The following SAFB variants were observed in gnomAD, a reference collection of about 807,000 sequenced individuals.
SAFB encodes scaffold attachment factor B1.
SAFB carries 15 observed loss-of-function variants against 101.6 expected under a neutral mutation model. The observed-to-expected ratio is 0.15, with a 90% confidence interval of 0.10 to 0.23. The LOEUF (loss-of-function observed/expected upper bound fraction) is 0.23. Among genes scored for constraint, SAFB ranks in the 10% least tolerant of loss-of-function variants. The probability of loss-of-function intolerance (pLI) is 1.00; values close to 1 mark genes in which losing one functional copy is unlikely to be tolerated. For missense variants in SAFB, 930 were observed against 1,104.1 expected (o/e 0.84, Z 2.23); for synonymous variants, 449 against 407.5 (o/e 1.10, Z -1.23).
At chr19:5,625,842 G>C (rs2053346134) in intron 1 of SAFB, among the ~76,000 whole-genome samples, 1 of 152,186 alleles carries the variant, frequency 6.6e-6, no homozygotes. Flanking sequence ...GATCGGATGA[G>C]GTCATGCATG....
intron 7 of SAFB, 122 bp from the exon 8 acceptor site, chr19:5,649,804 G>C: frequency 1.1e-6 from 1 of 908,320 alleles, no homozygotes; most frequent in Non-Finnish European, 1.8e-6. Context: ...AAGTTTGTCG[G>C]GGTATCATTT....
chr19:5,624,732 G>A (rs1253783902), intron 1 of SAFB, among the ~76,000 whole-genome samples: 1 of 151,204 alleles, frequency 6.6e-6, no homozygotes, highest in Non-Finnish European at 1.5e-5. Flanking sequence ...TGGGCTCAAG[G>A]GTGGATAGTT....
intron 2 of SAFB, among the ~76,000 whole-genome samples, chr19:5,627,166 AC>A (rs2053383317): frequency 6.8e-6 from 1 of 146,458 alleles, no homozygotes. Flanking sequence ...ACAGAGCAAG[AC>A]CCAGTCTCTC....
At chr19:5,629,059 A>G (rs1287970466) in intron 2 of SAFB, among the ~76,000 whole-genome samples, 1 of 152,094 alleles carries the variant, frequency 6.6e-6, no homozygotes, top group African/African-American at 2.4e-5. Flanking sequence ...AGCCCCACAA[A>G]ACGTTTAGAT....
chr19:5,638,911 G>A (rs2145422250), intron 2 of SAFB, among the ~76,000 whole-genome samples: 1 of 151,198 alleles, frequency 6.6e-6, no homozygotes, highest in African/African-American at 2.4e-5. Context: ...TAGTAGAGAC[G>A]CGGTTTTGCC....
At chr19:5,666,375 AC>A (rs1390598238) in intron 17 of SAFB, 1 of 153,284 alleles carries the variant, frequency 6.5e-6, no homozygotes. Context: ...CACGTGGCTT[AC>A]AAAAACAATG....
chr19:5,654,240 T>G (rs1445501238), intron 12 of SAFB, 40 bp downstream of exon 12: 2 of 1,612,066 alleles, frequency 1.2e-6, no homozygotes, highest in Non-Finnish European at 1.7e-6. Flanking sequence ...GTCTTGTTTC[T>G]GTGCCTAGTG....
rs1369145519 is a variant in SAFB, at chr19:5,661,622, G to T, written c.1967G>T (p.Arg656Leu). ...GCCCGAGAGAGGCTGGCCTTCCAGC[G>T]CCAGCGGCTGGAGCGGGAGCGCATG... ...EIARERLAFQ[R>L]QRLERERMER... The change falls in exon 15 of 21, where the codon CGC (arginine) becomes CTC (leucine). Residue 656 changes from arginine to leucine, a missense_variant. This residue lies in a region of SAFB where 159 missense variants were observed against 234.1 expected (regional missense o/e 0.68). Coordinates refer to ENST00000588852, the MANE Select transcript of SAFB (RefSeq NM_001201338.2). 1.2e-6 allele frequency: 2 copies of T among 1,612,592 alleles called. No homozygotes were observed. Among genetic ancestry groups the T allele is most frequent in the Non-Finnish European group, 1.7e-6 (2 of 1,179,786 alleles).
At chr19:5,663,792 C>T (rs181455592) in intron 15 of SAFB, among the ~76,000 whole-genome samples, 1 of 152,274 alleles carries the variant, frequency 6.6e-6, no homozygotes, top group Admixed American at 6.5e-5. Context: ...CTAATGGCTC[C>T]CTCTTTGGAA....
In SAFB at chr19:5,667,934, G is replaced by T. The variant is rs1293363324; in HGVS notation, c.2624+48G>T. On this transcript the variant is annotated intron_variant, in intron 20 of 20. Transcript: ENST00000588852. This position sits in a 1 kb window ranked among gnomAD's most constrained non-coding sequence, Gnocchi z 4.0. ...CCCCTTCCCCCTGCTTTGCATATTGGCCTACCTTGCTGGAGGCTTAACAAC... is the reference window on the plus strand; with the variant it reads ...CCCCTTCCCCCTGCTTTGCATATTGTCCTACCTTGCTGGAGGCTTAACAAC... 4 of 1,541,634 alleles carry T rather than the reference G, an allele frequency of 2.6e-6. No homozygotes were observed. The highest frequency in any genetic ancestry group is 4.5e-5 in the East Asian group (2 of 44,100).
chr19:5,663,719 C>T (rs891748081), intron 15 of SAFB, among the ~76,000 whole-genome samples: 2 of 152,108 alleles, frequency 1.3e-5, no homozygotes, highest in African/African-American at 2.4e-5. Flanking sequence ...TCTTCCTGAG[C>T]GGAGGTGGCT....
chr19:5,632,996 G>C (rs2053522252), intron 2 of SAFB, among the ~76,000 whole-genome samples: 1 of 152,174 alleles, frequency 6.6e-6, no homozygotes, highest in Admixed American at 6.5e-5. Context: ...TATTGGCCAG[G>C]TTTCTCCACT....
At chr19:5,643,271 G>C (rs1044813298) in intron 4 of SAFB, among the ~76,000 whole-genome samples, 1 of 151,876 alleles carries the variant, frequency 6.6e-6, no homozygotes, top group Non-Finnish European at 1.5e-5. Flanking sequence ...CCCTGTTCTT[G>C]TCCTGGTCCT....
At chr19:5,657,765 T>A (rs2054097328) in intron 14 of SAFB, among the ~76,000 whole-genome samples, 1 of 152,010 alleles carries the variant, frequency 6.6e-6, no homozygotes, top group Non-Finnish European at 1.5e-5. Context: ...CCTCAGGTGA[T>A]CCACCTGCCT....
At chr19:5,634,845 T>A (rs772942415) in intron 2 of SAFB, among the ~76,000 whole-genome samples, 1 of 152,050 alleles carries the variant, frequency 6.6e-6, no homozygotes, top group South Asian at 2.1e-4. Context: ...TGGTAAAAAT[T>A]TACACAGTTC....
chr19:5,649,795 A>C, intron 7 of SAFB, 131 bp from the exon 8 acceptor site: 1 of 873,600 alleles, frequency 1.1e-6, no homozygotes, highest in Non-Finnish European at 1.8e-6. Context: ...TTTCAATACA[A>C]GTTTGTCGGG....
chr19:5,635,503 T>A (rs2053577328), intron 2 of SAFB, among the ~76,000 whole-genome samples: 1 of 152,010 alleles, frequency 6.6e-6, no homozygotes, highest in African/African-American at 2.4e-5. Context: ...AGGGAAGGTA[T>A]TATAGCTTTA....
intron 8 of SAFB, among the ~76,000 whole-genome samples, chr19:5,650,201 G>C (rs913383447): frequency 1.3e-5 from 2 of 152,158 alleles, no homozygotes; most frequent in African/African-American, 4.8e-5. Context: ...CTTGTGTTGG[G>C]AGCACATTCA....
intron 2 of SAFB, among the ~76,000 whole-genome samples, chr19:5,630,792 A>G (rs1343456483): frequency 6.6e-6 from 1 of 151,904 alleles, no homozygotes; most frequent in Non-Finnish European, 1.5e-5. Context: ...TCTGTTATAT[A>G]TAGAAAGAAT....
Sources: gnomAD v4.1 joint callset for allele counts (sites outside exome capture counted in the v4.1 genomes callset) on GRCh38, gnomAD v4.1.1 for gene constraint, gnomAD v4.1.1 regional missense constraint, Gnocchi (gnomAD v3.1) non-coding constraint, MANE v1.5 for transcripts, NCBI Gene and HGNC (gene_info 2026-07-23, HGNC 2026-07-21) for gene names.